The following RUFY4 variants were observed in gnomAD, a reference collection of about 807,000 sequenced individuals.
The protein encoded by RUFY4 is RUN and FYVE domain-containing protein 4.
Under a neutral mutation model 69.0 loss-of-function variants are expected in RUFY4, and 73 were observed. The observed-to-expected ratio is 1.06, with a 90% CI of 0.88 to 1.29. The LOEUF (loss-of-function observed/expected upper bound fraction) is 1.29, where lower values mean the gene tolerates loss of function less well. RUFY4 is among the 50% of genes most tolerant of loss of function. RUFY4 has a pLI of 0.00. For missense variants in RUFY4, 770 were observed against 705.6 expected, an observed-to-expected ratio of 1.09 and a Z score of -1.03; for synonymous variants, 287 against 271.8, an observed-to-expected ratio of 1.06 and a Z score of -0.55.
upstream of RUFY4, among the ~76,000 whole-genome samples, chr2:218,067,828 C>T (rs955476136): frequency 3.3e-5 from 5 of 152,222 alleles, no homozygotes; most frequent in African/African-American, 1.2e-4. Flanking sequence ...TGCTCCTGCC[C>T]ACCCTAGCCT....
At chr2:218,035,626 G>T (rs112612061) in intron 2 of RUFY4, among the ~76,000 whole-genome samples, 17 of 152,100 alleles carry the variant, frequency 1.1e-4, no homozygotes, top group African/African-American at 4.1e-4. Context: ...TGGGTTTTCC[G>T]CTCCATGCCT....
rs371830079 is a variant in RUFY4, at chr2:218,080,920, G to A, written c.1356-2190G>A. Among the ~76,000 whole-genome samples the A allele has an allele frequency of 1.5e-3, 236 of 152,264 alleles. 1 individual carries two copies. The highest frequency in any genetic ancestry group is 5.3e-3 in the African/African-American group (221 of 41,546). ...TCCACTCATCAAGCTATGTGACCCT[G>A]GGCAAGTGTCACCCCCTCTCTGAGG... On this transcript the variant is annotated intron_variant, in intron 8 of 10. Coordinates refer to ENST00000344321, the Ensembl canonical transcript of RUFY4.
chr2:218,044,371 T>C (rs573981908), intron 2 of RUFY4, among the ~76,000 whole-genome samples: 1 of 152,380 alleles, frequency 6.6e-6, no homozygotes, highest in African/African-American at 2.4e-5. Context: ...TCCAAGGTGC[T>C]TTATTGTCTT....
intron 2 of RUFY4, among the ~76,000 whole-genome samples, chr2:218,039,844 C>G (rs1217408255): frequency 6.6e-6 from 1 of 152,198 alleles, no homozygotes; most frequent in Non-Finnish European, 1.5e-5. Flanking sequence ...TAGCTAGCAG[C>G]AAAGGAGCGT....
At chr2:218,083,171 A>C (rs1689806613) in exon 9 of RUFY4, 1 of 1,613,682 alleles carries the variant, frequency 6.2e-7, no homozygotes, top group East Asian at 2.2e-5. Flanking sequence ...GGAGGCTGAG[A>C]GGAGGGATGC....
intron 8 of RUFY4, among the ~76,000 whole-genome samples, chr2:218,082,572 G>GCCACACACACTGAA (rs1258141865): frequency 2.0e-5 from 3 of 152,148 alleles, no homozygotes; most frequent in Non-Finnish European, 4.4e-5. Flanking sequence ...TAGGTGTCAG[G>GCCACACACACTGAA]CCACACACAC....
At chr2:218,070,531 C>T (rs913882544) in exon 1 of RUFY4, 3 of 1,260,820 alleles carry the variant, frequency 2.4e-6, no homozygotes, top group Non-Finnish European at 3.3e-6. Context: ...AAGGAGAGAG[C>T]TGGGCAGTGA....
At chr2:218,043,030 GA>G (rs1376764682) in intron 2 of RUFY4, among the ~76,000 whole-genome samples, 3 of 152,184 alleles carry the variant, frequency 2.0e-5, no homozygotes, top group Admixed American at 2.0e-4. Context: ...TGCACCCAGG[GA>G]GAATGAGGTA....
intron 2 of RUFY4, among the ~76,000 whole-genome samples, chr2:218,057,427 A>G (rs550769204): frequency 6.6e-6 from 1 of 152,344 alleles, no homozygotes; most frequent in South Asian, 2.1e-4. Context: ...GCCATTTATT[A>G]CACATGCTGT....
chr2:218,043,186 G>A (rs1423345401), intron 2 of RUFY4, among the ~76,000 whole-genome samples: 1 of 151,772 alleles, frequency 6.6e-6, no homozygotes, highest in Non-Finnish European at 1.5e-5. Flanking sequence ...GGAGGCCCTG[G>A]AATGGGTGGC....
intron 10 of RUFY4, 152 bp from the exon 13 acceptor site, chr2:218,089,800 C>G (rs528232501): frequency 1.4e-6 from 1 of 725,270 alleles, no homozygotes; most frequent in East Asian, 2.7e-5. Flanking sequence ...GAGGGGAGAC[C>G]TCCTGAGACA....
intron 2 of RUFY4, among the ~76,000 whole-genome samples, chr2:218,048,997 T>G (rs1688886910): frequency 6.6e-6 from 1 of 152,244 alleles, no homozygotes; most frequent in Non-Finnish European, 1.5e-5. Context: ...AATCATGAAT[T>G]TATCTTTCGA....
chr2:218,071,925 A>C (rs1171568489), intron 2 of RUFY4, among the ~76,000 whole-genome samples: 2 of 152,006 alleles, frequency 1.3e-5, no homozygotes, highest in Non-Finnish European at 2.9e-5. Context: ...CCCTCTCCTC[A>C]AAGAACACAC....
At chr2:218,085,712 C>T (rs1689878323) in intron 9 of RUFY4, among the ~76,000 whole-genome samples, 2 of 152,196 alleles carry the variant, frequency 1.3e-5, no homozygotes, top group African/African-American at 2.4e-5. Flanking sequence ...ATATCCAGCA[C>T]TCAGGGGCCT....
intron 2 of RUFY4, among the ~76,000 whole-genome samples, chr2:218,054,869 T>G (rs1440422137): frequency 6.6e-6 from 1 of 152,224 alleles, no homozygotes; most frequent in Admixed American, 6.5e-5. Context: ...TACTTGATCC[T>G]TCTAAAATTT....
chr2:218,055,965 T>C (rs1173165268), intron 2 of RUFY4, among the ~76,000 whole-genome samples: 2 of 152,234 alleles, frequency 1.3e-5, no homozygotes, highest in African/African-American at 2.4e-5. Flanking sequence ...GATACTGCTA[T>C]AGGTAACTTG....
upstream of RUFY4, chr2:218,065,392 C>G (rs2106040940): frequency 6.5e-6 from 1 of 152,870 alleles, no homozygotes; most frequent in East Asian, 1.9e-4. Context: ...GCAGGGCGTG[C>G]TCCTGCCAGG....
intron 2 of RUFY4, among the ~76,000 whole-genome samples, chr2:218,058,052 GC>G (rs1349938114): frequency 6.6e-6 from 1 of 152,196 alleles, no homozygotes; most frequent in African/African-American, 2.4e-5. Flanking sequence ...GAGATTGTGT[GC>G]ATTAAAAGAG....
intron 3 of RUFY4, chr2:218,060,752 C>A (rs116124215): frequency 6.7e-6 from 10 of 1,493,674 alleles, no homozygotes; most frequent in Non-Finnish European, 8.4e-6. Flanking sequence ...ATGATCGCAG[C>A]GGCACGATGA....
Sources: gnomAD v4.1 joint callset for allele counts (sites outside exome capture counted in the v4.1 genomes callset) on GRCh38, gnomAD v4.1.1 for gene constraint, MANE v1.5 for transcripts, NCBI Gene and HGNC (gene_info 2026-07-23, HGNC 2026-07-21) for gene names.